Variants in GRIP1 observed in about 807,000 individuals in gnomAD.
GRIP1 encodes glutamate receptor interacting protein 1.
GRIP1 carries 45 observed loss-of-function variants against 129.9 expected under a neutral mutation model. The observed-to-expected ratio is 0.35, with a 90% CI of 0.27 to 0.44. The LOEUF (loss-of-function observed/expected upper bound fraction) is 0.44, where lower values mean the gene tolerates loss of function less well. Among genes scored for constraint, GRIP1 ranks in the 20% least tolerant of loss-of-function variants. The pLI, the probability that GRIP1 is intolerant of heterozygous loss-of-function variation, is 1.00. For missense variants in GRIP1, 1,196 were observed against 1,396.8 expected, an observed-to-expected ratio of 0.86 and a Z score of 2.29; for synonymous variants, 530 against 520.8, an observed-to-expected ratio of 1.02 and a Z score of -0.24.
chr12:66,411,309 C>G (rs954798644), intron 15 of GRIP1, among the ~76,000 whole-genome samples: 3 of 152,164 alleles, frequency 2.0e-5, no homozygotes, highest in Non-Finnish European at 4.4e-5. Flanking sequence ...TGTTTTGTAG[C>G]CTTTGCTGTC....
At chr12:66,622,302 G>A (rs949840029) in intron 1 of GRIP1, among the ~76,000 whole-genome samples, 1 of 151,864 alleles carries the variant, frequency 6.6e-6, no homozygotes, top group African/African-American at 2.4e-5. Context: ...AAGTGGGGAT[G>A]GGTAATGGGT....
intron 2 of GRIP1, among the ~76,000 whole-genome samples, chr12:66,587,139 G>A (rs755404138): frequency 6.6e-6 from 1 of 152,092 alleles, no homozygotes; most frequent in African/African-American, 2.4e-5. Context: ...CTCTTTTCTT[G>A]TTTCTTTTCA....
At chr12:66,909,478 A>G (rs1353592693) in intron 1 of GRIP1, among the ~76,000 whole-genome samples, 1 of 152,254 alleles carries the variant, frequency 6.6e-6, no homozygotes, top group Non-Finnish European at 1.5e-5. Flanking sequence ...TAAATCCTGT[A>G]TATAGAACAT....
At chr12:66,932,709 C>T (rs1295882353) in intron 1 of GRIP1, among the ~76,000 whole-genome samples, 1 of 152,136 alleles carries the variant, frequency 6.6e-6, no homozygotes, top group African/African-American at 2.4e-5. Flanking sequence ...CACTCTGTTG[C>T]CCAGGCTGGA....
intron 2 of GRIP1, among the ~76,000 whole-genome samples, chr12:66,547,959 T>A (rs1010161329): frequency 2.6e-5 from 4 of 152,190 alleles, no homozygotes; most frequent in Admixed American, 2.6e-4. Context: ...TACAACTGCA[T>A]ATGAATCTAC....
At chr12:66,446,094 G>GCCACCCCCCCCCCCCCCC (rs1555185775) in intron 11 of GRIP1, among the ~76,000 whole-genome samples, 1 of 140,400 alleles carries the variant, frequency 7.1e-6, no homozygotes, top group African/African-American at 2.9e-5. Flanking sequence ...CATTCCTCCT[G>GCCACCCCCCCCCCCCCCC]CCGCCCCCCA....
intron 1 of GRIP1, among the ~76,000 whole-genome samples, chr12:66,738,380 C>T (rs552812646): frequency 2.6e-5 from 4 of 151,772 alleles, no homozygotes; most frequent in Non-Finnish European, 4.4e-5. Flanking sequence ...CCACCACGCC[C>T]GACTAATTTT....
At chr12:66,595,788 C>T (rs985114592) in intron 2 of GRIP1, among the ~76,000 whole-genome samples, 1 of 152,050 alleles carries the variant, frequency 6.6e-6, no homozygotes, top group African/African-American at 2.4e-5. Flanking sequence ...TTCATAAGTC[C>T]TATACTTTCA....
intron 23 of GRIP1, among the ~76,000 whole-genome samples, chr12:66,362,433 G>T (rs567514030): frequency 6.6e-6 from 1 of 151,548 alleles, no homozygotes; most frequent in Non-Finnish European, 1.5e-5. Context: ...GATTACAGGC[G>T]CAAGTCACCG....
chr12:66,969,697 G>A (rs962447632), intron 1 of GRIP1, among the ~76,000 whole-genome samples: 2 of 152,000 alleles, frequency 1.3e-5, no homozygotes, highest in African/African-American at 4.8e-5. Flanking sequence ...GATCACAGGT[G>A]TGAGCCACCA....
intron 1 of GRIP1, among the ~76,000 whole-genome samples, chr12:66,670,286 C>A (rs1399481889): frequency 6.6e-6 from 1 of 152,192 alleles, no homozygotes; most frequent in Non-Finnish European, 1.5e-5. Context: ...AGGGAGAGAT[C>A]AGTTAGCCCT....
intron 7 of GRIP1, among the ~76,000 whole-genome samples, chr12:66,485,851 T>G (rs1263802154): frequency 1.3e-5 from 2 of 152,096 alleles, no homozygotes; most frequent in Non-Finnish European, 2.9e-5. Context: ...GTGTCACAAA[T>G]CAGGTGAATA....
chr12:66,729,741 T>C (rs988330646), intron 1 of GRIP1, among the ~76,000 whole-genome samples: 5 of 152,086 alleles, frequency 3.3e-5, no homozygotes, highest in Non-Finnish European at 7.4e-5. Flanking sequence ...GCCCAGCTAA[T>C]TTTTTGTATT....
intron 1 of GRIP1, among the ~76,000 whole-genome samples, chr12:66,710,734 C>G (rs1171883491): frequency 6.6e-6 from 1 of 151,824 alleles, no homozygotes; most frequent in Non-Finnish European, 1.5e-5. Context: ...ATCGATAACA[C>G]AGTAAGCCAA....
intron 1 of GRIP1, among the ~76,000 whole-genome samples, chr12:66,755,957 C>A (rs903186163): frequency 6.6e-6 from 1 of 152,168 alleles, no homozygotes; most frequent in African/African-American, 2.4e-5. Context: ...TCTTGAGAAG[C>A]AGTAACCAGC....
intron 1 of GRIP1, among the ~76,000 whole-genome samples, chr12:66,813,410 C>T (rs2039141572): frequency 6.6e-6 from 1 of 152,126 alleles, no homozygotes; most frequent in Non-Finnish European, 1.5e-5. Context: ...GATCACATTT[C>T]AACATGAGGT....
At chr12:66,452,380 T>C (rs1448201030) in intron 11 of GRIP1, among the ~76,000 whole-genome samples, 1 of 152,246 alleles carries the variant, frequency 6.6e-6, no homozygotes, top group African/African-American at 2.4e-5. Flanking sequence ...ATGTGTGCTG[T>C]ATTAATTATT....
At chr12:66,528,820 A>G (rs1275911815) in intron 5 of GRIP1, among the ~76,000 whole-genome samples, 1 of 152,210 alleles carries the variant, frequency 6.6e-6, no homozygotes, top group Non-Finnish European at 1.5e-5. Context: ...TTATCATTCA[A>G]TGTTGCGTTT....
chr12:66,545,983 T>C (rs987156024), intron 2 of GRIP1, among the ~76,000 whole-genome samples: 9 of 152,186 alleles, frequency 5.9e-5, no homozygotes, highest in African/African-American at 2.2e-4. Context: ...GTGCATGGAC[T>C]GGGAGACTCA....
Sources: gnomAD v4.1 joint callset for allele counts (sites outside exome capture counted in the v4.1 genomes callset) on GRCh38, gnomAD v4.1.1 for gene constraint, MANE v1.5 for transcripts, NCBI Gene and HGNC (gene_info 2026-07-23, HGNC 2026-07-21) for gene names.